The following GABRB1 variants were observed in gnomAD, a reference collection of about 807,000 sequenced individuals.
GABRB1 encodes gamma-aminobutyric acid type A receptor subunit beta1.
In GABRB1, 17 loss-of-function variants were observed where a neutral mutation model predicts 51.6. That is an observed-to-expected ratio of 0.33 (90% CI 0.23 to 0.49). GABRB1 has a LOEUF of 0.49. Ranked by LOEUF, GABRB1 falls within the 20% of genes least tolerant of loss-of-function variation. The probability of loss-of-function intolerance (pLI) is 0.99; values close to 1 mark genes in which losing one functional copy is unlikely to be tolerated. For synonymous variants in GABRB1, 247 were observed against 218.9 expected (o/e 1.13, Z -1.14); for missense variants, 410 against 600.6 (o/e 0.68, Z 3.32).
intron 4 of GABRB1, among the ~76,000 whole-genome samples, chr4:47,242,846 CT>C (rs1171264282): frequency 6.6e-6 from 1 of 152,200 alleles, no homozygotes; most frequent in African/African-American, 2.4e-5. Context: ...TGTCTGTTCA[CT>C]CTGAAGGTAG....
At chr4:47,150,672 TA>T (rs1717404712) in intron 3 of GABRB1, among the ~76,000 whole-genome samples, 1 of 151,806 alleles carries the variant, frequency 6.6e-6, no homozygotes, top group Admixed American at 6.6e-5. Context: ...CATAATGTTA[TA>T]AGCATGAGCA....
intron 3 of GABRB1, among the ~76,000 whole-genome samples, chr4:47,103,985 T>C (rs1475967314): frequency 2.0e-5 from 3 of 151,844 alleles, no homozygotes; most frequent in Non-Finnish European, 2.9e-5. Context: ...ATTTATGCCC[T>C]TTCTAGCATT....
chr4:47,081,568 A>C (rs1462538295), intron 3 of GABRB1, among the ~76,000 whole-genome samples: 1 of 152,118 alleles, frequency 6.6e-6, no homozygotes, highest in Non-Finnish European at 1.5e-5. Flanking sequence ...TTTTGCATTC[A>C]AGGATCATGG....
intron 4 of GABRB1, among the ~76,000 whole-genome samples, chr4:47,245,127 G>A (rs1721694161): frequency 6.6e-6 from 1 of 151,590 alleles, no homozygotes; most frequent in Non-Finnish European, 1.5e-5. Context: ...AAAGAGAGAA[G>A]AATCAAACAG....
intron 4 of GABRB1, among the ~76,000 whole-genome samples, chr4:47,225,738 T>A (rs564765553): frequency 6.6e-6 from 1 of 152,266 alleles, no homozygotes; most frequent in East Asian, 1.9e-4. Flanking sequence ...TGGCTATCAT[T>A]GCCTTTTTAA....
upstream of GABRB1, among the ~76,000 whole-genome samples, chr4:47,030,695 C>T (rs1474807150): frequency 6.6e-6 from 1 of 152,216 alleles, no homozygotes; most frequent in East Asian, 1.9e-4. Flanking sequence ...TCAAACAATA[C>T]TTGCTCCTGC....
intron 5 of GABRB1, among the ~76,000 whole-genome samples, chr4:47,338,178 G>A (rs879324491): frequency 1.3e-5 from 2 of 152,080 alleles, no homozygotes; most frequent in African/African-American, 4.8e-5. Context: ...TCAAATCAAA[G>A]CTCTCTTCTC....
chr4:47,379,482 T>C (rs1727519938), intron 5 of GABRB1, among the ~76,000 whole-genome samples: 1 of 152,192 alleles, frequency 6.6e-6, no homozygotes, highest in Non-Finnish European at 1.5e-5. Context: ...TTTGAACACA[T>C]TTAAAGTAGG....
At chr4:47,193,382 T>A (rs1719523188) in intron 4 of GABRB1, among the ~76,000 whole-genome samples, 1 of 152,148 alleles carries the variant, frequency 6.6e-6, no homozygotes, top group South Asian at 2.1e-4. Context: ...CTGGGCCTCC[T>A]AAAGTGGAAT....
chr4:47,265,027 T>C (rs1456685102), intron 4 of GABRB1, among the ~76,000 whole-genome samples: 1 of 152,242 alleles, frequency 6.6e-6, no homozygotes, highest in Non-Finnish European at 1.5e-5. Flanking sequence ...TCATCTTTTT[T>C]TAATAGATTT....
At chr4:47,086,401 C>T (rs1295939272) in intron 3 of GABRB1, among the ~76,000 whole-genome samples, 2 of 152,060 alleles carry the variant, frequency 1.3e-5, no homozygotes, top group Non-Finnish European at 2.9e-5. Context: ...ATCAACCCCC[C>T]TTTAAAAAAG....
chr4:47,297,734 G>A (rs1724061890), intron 4 of GABRB1, among the ~76,000 whole-genome samples: 1 of 152,160 alleles, frequency 6.6e-6, no homozygotes, highest in South Asian at 2.1e-4. Context: ...TAGAAAAAGA[G>A]GGAATCCTCC....
intron 4 of GABRB1, among the ~76,000 whole-genome samples, chr4:47,186,110 A>G (rs1202754488): frequency 6.6e-6 from 1 of 150,476 alleles, no homozygotes; most frequent in Admixed American, 6.7e-5. Context: ...CATCCATAAT[A>G]TTGCGCTGAC....
chr4:47,321,217 A>G (rs1446035214), intron 5 of GABRB1, among the ~76,000 whole-genome samples: 3 of 152,196 alleles, frequency 2.0e-5, no homozygotes, highest in African/African-American at 7.2e-5. Context: ...GTTTATTTAG[A>G]TAGTCTAAAA....
chr4:47,274,963 A>C (rs946530028), intron 4 of GABRB1, among the ~76,000 whole-genome samples: 1 of 152,184 alleles, frequency 6.6e-6, no homozygotes, highest in Non-Finnish European at 1.5e-5. Context: ...CAAGTAGATT[A>C]AATCTGTTTT....
chr4:47,154,304 A>C (rs1717595268), intron 3 of GABRB1, among the ~76,000 whole-genome samples: 1 of 142,834 alleles, frequency 7.0e-6, no homozygotes, highest in African/African-American at 2.6e-5. Context: ...TTTTACTGGC[A>C]TGTATACTAG....
chr4:47,146,614 T>C (rs1717180958), intron 3 of GABRB1, among the ~76,000 whole-genome samples: 1 of 152,028 alleles, frequency 6.6e-6, no homozygotes, highest in Admixed American at 6.6e-5. Context: ...TGGAGGCATC[T>C]ATCCAAAAAT....
At chr4:47,128,543 A>G (rs1320767400) in intron 3 of GABRB1, among the ~76,000 whole-genome samples, 2 of 151,926 alleles carry the variant, frequency 1.3e-5, no homozygotes, top group African/African-American at 4.8e-5. Context: ...AGACACAAAG[A>G]CTCTATATGT....
chr4:47,009,285 ATG>A (rs1295540381), intron 1 of GABRB1, among the ~76,000 whole-genome samples: 1 of 151,356 alleles, frequency 6.6e-6, no homozygotes, highest in East Asian at 1.9e-4. Context: ...AGTTAAATAT[ATG>A]TTTTTGTATC....
Sources: allele counts gnomAD v4.1 joint callset (sites outside exome capture counted in the v4.1 genomes callset), GRCh38; gene constraint gnomAD v4.1.1; transcripts MANE v1.5; gene names NCBI Gene and HGNC (gene_info 2026-07-23, HGNC 2026-07-21).